The following SYNE2 variants were observed in gnomAD, a reference collection of about 807,000 sequenced individuals.
SYNE2 encodes spectrin repeat containing nuclear envelope protein 2, also known as nesprin-2.
In SYNE2, 431 loss-of-function variants were observed where a neutral mutation model predicts 856.3. The observed-to-expected ratio is 0.50, with a 90% CI of 0.47 to 0.55. SYNE2 has a LOEUF of 0.55. Among genes scored for constraint, SYNE2 ranks in the 20% least tolerant of loss-of-function variants. The pLI, the probability that SYNE2 is intolerant of heterozygous loss-of-function variation, is 0.00. For synonymous variants in SYNE2, 2,923 were observed against 2,872.3 expected (o/e 1.02, Z -0.56); for missense variants, 8,129 against 8,023.2 (o/e 1.01, Z -0.50).
chr14:64,001,784 A>G (rs2096757047), intron 28 of SYNE2, 150 bp from the exon 29 acceptor site: 4 of 864,656 alleles, frequency 4.6e-6, no homozygotes, highest in East Asian at 2.4e-5. Context: ...GGGTTTAGGT[A>G]TTAATGTGAT....
chr14:63,939,074 C>T (rs1469860668), intron 2 of SYNE2, among the ~76,000 whole-genome samples: 2 of 152,088 alleles, frequency 1.3e-5, no homozygotes, highest in Admixed American at 6.5e-5. Flanking sequence ...GGTGGCAAGG[C>T]CGTAAGCATT....
chr14:63,948,889 G>T (rs551103585), intron 6 of SYNE2, among the ~76,000 whole-genome samples: 10 of 148,256 alleles, frequency 6.7e-5, no homozygotes, highest in Admixed American at 1.4e-4. Flanking sequence ...TAGAATTTCA[G>T]TGTGGTCAGA....
At chr14:63,792,576 T>C (rs1322918830) in intron 1 of SYNE2, among the ~76,000 whole-genome samples, 1 of 152,146 alleles carries the variant, frequency 6.6e-6, no homozygotes, top group African/African-American at 2.4e-5. Flanking sequence ...AGAGCTGGAA[T>C]AACTATATTT....
At chr14:63,771,636 C>T (rs191979293) in intron 1 of SYNE2, among the ~76,000 whole-genome samples, 335 of 152,200 alleles carry the variant, frequency 2.2e-3, no homozygotes, top group African/African-American at 7.5e-3. Flanking sequence ...TGGTGGCTTA[C>T]GCCTGTAATC....
intron 1 of SYNE2, among the ~76,000 whole-genome samples, chr14:63,794,842 T>C (rs1319167474): frequency 6.6e-6 from 1 of 152,190 alleles, no homozygotes; most frequent in Non-Finnish European, 1.5e-5. Flanking sequence ...TGGAAAACAA[T>C]TTGGCAGTTA....
chr14:63,854,239 GC>G (rs1315028174), intron 1 of SYNE2, among the ~76,000 whole-genome samples: 2 of 148,734 alleles, frequency 1.3e-5, no homozygotes, highest in Admixed American at 6.8e-5. Flanking sequence ...AGGCTTCGTT[GC>G]AGATACTATT....
rs562423458 is a variant in SYNE2, at chr14:63,856,943, A to AT, written c.-52+3807dup. Among the ~76,000 whole-genome samples, 102 of 152,024 alleles carry AT rather than the reference A, an allele frequency of 6.7e-4. 1 individual carries two copies. The South Asian group carries it at 0.016, about 24-fold the overall frequency. ...CACTACCATGCCTGGCCAACTGTGA[A>AT]TTTTTTTGTAGAGAAGAGGTCTCAC... On this transcript the variant is annotated intron_variant, in intron 1 of 115. Transcript: ENST00000555002.
intron 96 of SYNE2, among the ~76,000 whole-genome samples, chr14:64,177,835 A>G (rs146857190): frequency 6.6e-6 from 1 of 152,356 alleles, no homozygotes; most frequent in African/African-American, 2.4e-5. Flanking sequence ...CTTTGAAACA[A>G]GAGTAAAATA....
intron 57 of SYNE2, among the ~76,000 whole-genome samples, chr14:64,086,010 G>C (rs2097558724): frequency 6.6e-6 from 1 of 152,084 alleles, no homozygotes; most frequent in African/African-American, 2.4e-5. Context: ...TTATTAATTT[G>C]ATGAGGTCCA....
At chr14:63,923,693 A>G (rs2095627227) in intron 2 of SYNE2, among the ~76,000 whole-genome samples, 1 of 152,246 alleles carries the variant, frequency 6.6e-6, no homozygotes, top group Non-Finnish European at 1.5e-5. Context: ...TTATTAAGAT[A>G]TAATTTGACA....
chr14:64,123,723 A>G (rs1448893485), intron 70 of SYNE2, among the ~76,000 whole-genome samples: 1 of 152,198 alleles, frequency 6.6e-6, no homozygotes, highest in Non-Finnish European at 1.5e-5. Context: ...TTAGCTTTTC[A>G]ATAACAAATC....
At chr14:64,203,011 A>T in intron 100 of SYNE2, 48 bp downstream of exon 100, 1 of 1,607,608 alleles carries the variant, frequency 6.2e-7, no homozygotes, top group East Asian at 2.2e-5. Context: ...TGTCCGCGAT[A>T]TGCACTGACT....
chr14:64,193,479 G>C (rs2098527103), intron 99 of SYNE2, among the ~76,000 whole-genome samples: 1 of 152,152 alleles, frequency 6.6e-6, no homozygotes, highest in Admixed American at 6.5e-5. Context: ...GAACCTGGGA[G>C]GTGGAGGTTG....
chr14:63,936,115 C>T (rs1175993099), intron 2 of SYNE2, among the ~76,000 whole-genome samples: 5 of 152,172 alleles, frequency 3.3e-5, no homozygotes, highest in African/African-American at 7.2e-5. Context: ...CCTTGTGATC[C>T]GCCCACCTTG....
intron 99 of SYNE2, among the ~76,000 whole-genome samples, chr14:64,193,578 A>T (rs1032054313): frequency 6.6e-6 from 1 of 152,106 alleles, no homozygotes; most frequent in Non-Finnish European, 1.5e-5. Context: ...AGGTGATCCT[A>T]CATAGGTACC....
chr14:64,138,912 T>TGTGTGTG, intron 79 of SYNE2, among the ~76,000 whole-genome samples: 1 of 144,232 alleles, frequency 6.9e-6, no homozygotes, highest in East Asian at 2.0e-4. Flanking sequence ...CAAATGCTGG[T>TGTGTGTG]TGTGTGTGTG....
rs2096734093 is a variant in SYNE2, at chr14:63,999,005, A to C, written c.3445A>C (p.Ser1149Arg). Residue 1149 changes from serine (S) to arginine (R), a missense_variant, in exon 27 of 116, where the codon AGT (serine) becomes CGT (arginine). Around this residue, in one of 3 missense-constraint regions of SYNE2, gnomAD observed 2,422 missense variants for 2,357.4 expected, o/e 1.03. Coordinates refer to ENST00000555002, the MANE Select transcript of SYNE2 (RefSeq NM_182914.3). ...SDFSSEEDRSSSCLQAKLTDL... is the reference protein window; with the variant it reads ...SDFSSEEDRSRSCLQAKLTDL... ...TTTCTCTAGTGAAGAGGACAGGAGT[A>C]GTTCTTGTCTGCAGGCTAAACTGAC... 1.2e-6 allele frequency: 2 copies of C among 1,613,896 alleles called. No individual in the cohort carries two copies. Among genetic ancestry groups the C allele is most frequent in the Non-Finnish European group, 1.7e-6 (2 of 1,179,732 alleles).
chr14:64,078,945 G>A (rs2097494537), intron 55 of SYNE2, among the ~76,000 whole-genome samples: 2 of 152,244 alleles, frequency 1.3e-5, no homozygotes, highest in South Asian at 2.1e-4. Context: ...GGTGGCACAA[G>A]ACTGCAATTC....
chr14:64,138,977 G>GTGTGTGTGTA (rs1308599845), intron 79 of SYNE2, among the ~76,000 whole-genome samples: 34 of 134,676 alleles, frequency 2.5e-4, no homozygotes, highest in African/African-American at 1.0e-3. Context: ...GTGTGTGTGT[G>GTGTGTGTGTA]TGTATGTAAT....
Sources: gnomAD v4.1 joint callset for allele counts (sites outside exome capture counted in the v4.1 genomes callset) on GRCh38, gnomAD v4.1.1 for gene constraint, gnomAD v4.1.1 regional missense constraint, MANE v1.5 for transcripts, NCBI Gene and HGNC (gene_info 2026-07-23, HGNC 2026-07-21) for gene names.